Variants in KIAA0040 observed in about 807,000 individuals in gnomAD.
KIAA0040 encodes uncharacterized protein KIAA0040.
KIAA0040 carries 10 observed loss-of-function variants against 7.2 expected under a neutral mutation model. The observed-to-expected ratio is 1.38, with a 90% confidence interval of 0.85 to 2.34. KIAA0040 has a LOEUF of 2.34. Ranked by LOEUF, KIAA0040 falls within the 30% of genes most tolerant of loss-of-function variation. The pLI, the probability that KIAA0040 is intolerant of heterozygous loss-of-function variation, is 0.00. For missense variants in KIAA0040, 89 were observed against 108.2 expected (o/e 0.82, Z 0.79); for synonymous variants, 49 against 40.1 (o/e 1.22, Z -0.84).
In KIAA0040 at chr1:175,157,490, T is replaced by G. The variant is rs1676328475; in HGVS notation, c.*3224A>C. 6.6e-6 allele frequency: 1 copy of G among 152,026 alleles called. No individual in the cohort carries two copies. The highest frequency in any genetic ancestry group is 2.1e-4 in the South Asian group (1 of 4,812). 9.4% of individuals were successfully genotyped at this position (152,026 alleles called of 1,614,324 possible). A position where few individuals can be genotyped will look rare whatever the true frequency, so the allele number is the denominator to read the frequency against. On this transcript the variant is annotated 3_prime_UTR_variant, in exon 4 of 4. Transcript: ENST00000423313. ...TTTCTGAGTGATGTCTGAGTGGGGG[T>G]AATACCTAATGTTAAGAGAGTAACC...
At chr1:175,192,271 T>A (rs1677892419) in intron 1 of KIAA0040, among the ~76,000 whole-genome samples, 1 of 152,228 alleles carries the variant, frequency 6.6e-6, no homozygotes, top group East Asian at 1.9e-4. Context: ...TAGAAACACC[T>A]AAGCCCGCGA....
chr1:175,181,686 A>G lies in KIAA0040; in HGVS notation c.-383-4002T>C, dbSNP rs143966016. 3.4e-3 allele frequency among the ~76,000 whole-genome samples: 511 copies of G among 152,382 alleles called. 2 individuals carry two copies. The highest frequency in any genetic ancestry group is 4.5e-3 in the Non-Finnish European group (309 of 68,038). On this transcript the variant is annotated intron_variant, in intron 1 of 3. Coordinates refer to ENST00000423313, the MANE Select transcript of KIAA0040 (RefSeq NM_014656.3). Reference sequence around the variant, plus strand: ...TAGTTCAGTGTCCCAAGGGAAATTCAAACAAATGCTTATGGAAGTAGCAAG... The same window carrying G: ...TAGTTCAGTGTCCCAAGGGAAATTCGAACAAATGCTTATGGAAGTAGCAAG...
At position 175,160,539 on chromosome 1, in the gene KIAA0040, C is replaced by T. The variant is rs565602781; in HGVS notation, c.*175G>A. On this transcript the variant is annotated 3_prime_UTR_variant, in exon 4 of 4. Coordinates refer to ENST00000423313, the MANE Select transcript of KIAA0040 (RefSeq NM_014656.3). The stretch of plus-strand genomic sequence containing the variant: ...CAAGACAGTATCCAAGAATTGTCCA[C>T]GTGGTCCCTGGGACTGCCCTCCACT... 10 of 633,288 alleles carry T rather than the reference C, an allele frequency of 1.6e-5. No individual in the cohort carries two copies. Among genetic ancestry groups the T allele is most frequent in the Admixed American group, 3.1e-5 (1 of 32,722 alleles). 39.2% of individuals were successfully genotyped at this position (633,288 alleles called of 1,614,324 possible).
chr1:175,169,370 C>A (rs1306059087), intron 2 of KIAA0040, among the ~76,000 whole-genome samples: 2 of 152,140 alleles, frequency 1.3e-5, no homozygotes, highest in Non-Finnish European at 2.9e-5. Context: ...TCACATTGGG[C>A]AGGTTAACCT....
At position 175,157,920 on chromosome 1, in the gene KIAA0040, G is replaced by A. The variant is rs1453809243; in HGVS notation, c.*2794C>T. 6.6e-6 allele frequency: 1 copy of A among 152,298 alleles called. No individual in the cohort carries two copies. Among genetic ancestry groups the A allele is most frequent in the Non-Finnish European group, 1.5e-5 (1 of 68,162 alleles). 9.4% of individuals were successfully genotyped at this position (152,298 alleles called of 1,614,324 possible). A position where few individuals can be genotyped will look rare whatever the true frequency, so the allele number is the denominator to read the frequency against. On this transcript the variant is annotated 3_prime_UTR_variant, in exon 4 of 4. Transcript: ENST00000423313. ...TGAGTCAAGCAGTCTCTGGTCCTGAGGTCCCATGGGTTGCCAGTGGCAGTT... is the reference window on the plus strand; with the variant it reads ...TGAGTCAAGCAGTCTCTGGTCCTGAAGTCCCATGGGTTGCCAGTGGCAGTT...
chr1:175,162,393 C>A (rs552663832), intron 3 of KIAA0040, among the ~76,000 whole-genome samples: 2 of 152,190 alleles, frequency 1.3e-5, no homozygotes, highest in South Asian at 2.1e-4. Context: ...CCCACCCAGG[C>A]CACACAGGCC....
At chr1:175,167,144 G>A (rs1357492937) in intron 2 of KIAA0040, among the ~76,000 whole-genome samples, 1 of 152,192 alleles carries the variant, frequency 6.6e-6, no homozygotes, top group Non-Finnish European at 1.5e-5. Context: ...TCTGATGAGG[G>A]ATGACTGAGA....
At chr1:175,163,813 G>A (rs1676645538) in intron 3 of KIAA0040, among the ~76,000 whole-genome samples, 1 of 152,218 alleles carries the variant, frequency 6.6e-6, no homozygotes, top group African/African-American at 2.4e-5. Flanking sequence ...GGGTTATGCT[G>A]TTCCTACAGG....
At chr1:175,164,014 T>C (rs565565715) in intron 3 of KIAA0040, among the ~76,000 whole-genome samples, 1 of 152,158 alleles carries the variant, frequency 6.6e-6, no homozygotes, top group East Asian at 1.9e-4. Context: ...TTCTAGAACA[T>C]GAGCAGGAGA....
At chr1:175,176,853 C>A (rs535307608) in intron 2 of KIAA0040, among the ~76,000 whole-genome samples, 2 of 152,114 alleles carry the variant, frequency 1.3e-5, no homozygotes, top group South Asian at 2.1e-4. Context: ...TCCTCCCCAT[C>A]CTTGAAATGC....
intron 2 of KIAA0040, among the ~76,000 whole-genome samples, chr1:175,173,345 C>T (rs1339983847): frequency 1.3e-5 from 2 of 152,190 alleles, no homozygotes; most frequent in Non-Finnish European, 2.9e-5. Context: ...TCTGTTGAAT[C>T]AAAAAGCCAT....
chr1:175,162,823 T>C, intron 3 of KIAA0040, among the ~76,000 whole-genome samples: 1 of 152,194 alleles, frequency 6.6e-6, no homozygotes, highest in East Asian at 1.9e-4. Flanking sequence ...ATTATTTACA[T>C]AGATTTTGCA....
chr1:175,181,768 T>C (rs945485914), intron 1 of KIAA0040, among the ~76,000 whole-genome samples: 10 of 152,096 alleles, frequency 6.6e-5, no homozygotes, highest in African/African-American at 2.4e-4. Flanking sequence ...AGGGTGTGAT[T>C]TGAGTTGGCA....
chr1:175,188,479 GTGACGAGTCTCC>G (rs1272853697), intron 1 of KIAA0040, among the ~76,000 whole-genome samples: 1 of 152,178 alleles, frequency 6.6e-6, no homozygotes, highest in African/African-American at 2.4e-5. Context: ...TACTGTGTCT[GTGACGAGTCTCC>G]TGAAAGCCCA....
intron 3 of KIAA0040, among the ~76,000 whole-genome samples, chr1:175,163,763 A>C (rs910173496): frequency 1.3e-5 from 2 of 152,128 alleles, no homozygotes; most frequent in East Asian, 3.8e-4. Context: ...ACGTTAGATA[A>C]CACCACCACC....
intron 1 of KIAA0040, among the ~76,000 whole-genome samples, chr1:175,185,674 T>C (rs148708376): frequency 0.01 from 1,551 of 152,350 alleles, 28 homozygotes; most frequent in African/African-American, 0.035. Context: ...AATTACCATA[T>C]GATCCAGCAA....
rs116206861 is a variant in KIAA0040, at chr1:175,160,041, G to A, written c.*673C>T. 2,040 of 153,772 alleles carry A rather than the reference G, an allele frequency of 0.013. 22 individuals are homozygous for A. Among genetic ancestry groups the A allele is most frequent in the Middle Eastern group, 0.085 (25 of 294 alleles). The allele number at this position is 153,772 out of a possible 1,614,324, so 9.5% of individuals were successfully genotyped here. A position where few individuals can be genotyped will look rare whatever the true frequency, so the allele number is the denominator to read the frequency against. The stretch of plus-strand genomic sequence containing the variant: ...GGTCAGAGGCACAGAAACTTGGTGT[G>A]TCTGTATCAAGACACACAAGGGTGG... On this transcript the variant is annotated 3_prime_UTR_variant, in exon 4 of 4. Transcript: ENST00000423313.
chr1:175,171,670 T>C (rs989466865), intron 2 of KIAA0040, among the ~76,000 whole-genome samples: 2 of 152,264 alleles, frequency 1.3e-5, no homozygotes, highest in East Asian at 1.9e-4. Context: ...CTGAGAGCAA[T>C]AGAAAGTGGG....
At chr1:175,192,817 G>GCCCCCCCCCCCCCCCCCCCCCC (rs1558405268), upstream of KIAA0040, 6 of 123,536 alleles carry the variant, frequency 4.9e-5, no homozygotes, top group Admixed American at 2.3e-4. Flanking sequence ...CGTGGGAGCC[G>GCCCCCCCCCCCCCCCCCCCCCC]CCCGCCCCGC....
Sources: allele counts gnomAD v4.1 joint callset (sites outside exome capture counted in the v4.1 genomes callset), GRCh38; gene constraint gnomAD v4.1.1; transcripts MANE v1.5; gene names NCBI Gene and HGNC (gene_info 2026-07-23, HGNC 2026-07-21).